Variants in LRRC66 observed in about 807,000 individuals in gnomAD.
LRRC66 encodes leucine-rich repeat-containing protein 66.
Under a neutral mutation model 24.6 loss-of-function variants are expected in LRRC66, and 29 were observed. The ratio of observed to expected loss-of-function variants is 1.18; its 90% confidence interval spans 0.88 to 1.61. The LOEUF (loss-of-function observed/expected upper bound fraction) is 1.61. Among genes scored for constraint, LRRC66 ranks in the 40% most tolerant of loss-of-function variants. The pLI, the probability that LRRC66 is intolerant of heterozygous loss-of-function variation, is 0.00. For missense variants in LRRC66, 1,124 were observed against 1,058.0 expected, an observed-to-expected ratio of 1.06 and a Z score of -0.87; for synonymous variants, 411 against 397.6, an observed-to-expected ratio of 1.03 and a Z score of -0.40.
intron 3 of LRRC66, among the ~76,000 whole-genome samples, chr4:51,999,278 T>C (rs1736395917): frequency 6.6e-6 from 1 of 152,212 alleles, no homozygotes; most frequent in Non-Finnish European, 1.5e-5. Context: ...TAGACACCCG[T>C]GAAAAATCAG....
rs372996077 is a variant in LRRC66 at position 52,016,420 on chromosome 4, G to C, written c.496+698C>G. Among the ~76,000 whole-genome samples, 6 of 152,244 alleles carry C rather than the reference G, an allele frequency of 3.9e-5. No homozygotes were observed. In the South Asian group the frequency reaches 1.2e-3, roughly 32 times the overall value. On this transcript the variant is annotated intron_variant, in intron 2 of 4. Coordinates refer to ENST00000682860, the MANE Select transcript of LRRC66 (RefSeq NM_001024611.3). ...ACAAGGAAAGGAAATTAATTGTCTA[G>C]CACTCTGGAATATAAAAAGGGCAAA...
intron 2 of LRRC66, among the ~76,000 whole-genome samples, chr4:52,012,615 T>A (rs1425263768): frequency 6.6e-6 from 1 of 152,000 alleles, no homozygotes; most frequent in Non-Finnish European, 1.5e-5. Flanking sequence ...GTCAAATGAG[T>A]GAAAAGAGGC....
intron 1 of LRRC66, chr4:52,018,358 A>G: frequency 1.0e-6 from 1 of 984,808 alleles, no homozygotes; most frequent in Admixed American, 6.1e-5. Context: ...ACAATGGCTG[A>G]ATGTATCACA....
intron 3 of LRRC66, among the ~76,000 whole-genome samples, chr4:52,002,673 G>A (rs1489214317): frequency 1.3e-5 from 2 of 152,268 alleles, no homozygotes; most frequent in African/African-American, 2.4e-5. Flanking sequence ...AGAACTGCAT[G>A]TGGCACACAT....
intron 3 of LRRC66, among the ~76,000 whole-genome samples, chr4:52,001,433 C>T (rs751073641): frequency 6.6e-5 from 10 of 152,092 alleles, no homozygotes; most frequent in Non-Finnish European, 1.5e-4. Context: ...AGACAGGGGT[C>T]AGGTCCTTGC....
chr4:52,008,037 T>C (rs559595149), intron 2 of LRRC66, among the ~76,000 whole-genome samples: 7 of 152,272 alleles, frequency 4.6e-5, no homozygotes, highest in Middle Eastern at 3.4e-3. Context: ...GGAGTTCTAC[T>C]AGCCTCAGGT....
chr4:52,009,721 T>TC (rs1736656513), intron 2 of LRRC66, among the ~76,000 whole-genome samples: 1 of 152,102 alleles, frequency 6.6e-6, no homozygotes, highest in Admixed American at 6.5e-5. Context: ...ATGAAAAAAC[T>TC]CCTGTTCAGA....
At position 52,017,042 on chromosome 4, in the gene LRRC66, CA is replaced by C. The variant is rs560389394; in HGVS notation, c.496+75del. On this transcript the variant is annotated intron_variant, in intron 2 of 4. Transcript: ENST00000682860. ...TTCAGCTGTCCCTTGAACCTGAAAA[CA>C]AATGTGGAATTCTTATGAACATGAA... is the stretch of plus-strand genomic sequence containing the variant. 81 of 1,479,126 alleles carry C rather than the reference CA, an allele frequency of 5.5e-5. No homozygotes were observed. The South Asian group carries it at 1.1e-3, about 19-fold the overall frequency. The allele number at this position is 1,479,126 out of a possible 1,614,324, so 91.6% of individuals were successfully genotyped here.
chr4:52,008,164 C>A, intron 2 of LRRC66, among the ~76,000 whole-genome samples: 1 of 152,058 alleles, frequency 6.6e-6, no homozygotes, highest in African/African-American at 2.4e-5. Context: ...GATGGCTTCC[C>A]AACTCTGGTC....
At chr4:52,003,829 ACTT>A (rs889097741) in intron 2 of LRRC66, among the ~76,000 whole-genome samples, 5 of 152,244 alleles carry the variant, frequency 3.3e-5, no homozygotes, top group Admixed American at 2.6e-4. Context: ...AGCATGTACT[ACTT>A]TCAAAATAAG....
At position 51,997,836 on chromosome 4, in the gene LRRC66, C is replaced by A. The variant is rs756671308; in HGVS notation, c.768G>T (p.Trp256Cys). ...AGACTGCCACACTATCATCACACTG[C>A]CAGTTATTATCAGCCAAGTCAACCA... Reference protein sequence around the residue: ...HLVVDLADNNWQCDDSVAVFQ... With the variant: ...HLVVDLADNNCQCDDSVAVFQ... Residue 256 changes from tryptophan (W) to cysteine (C), a missense_variant, in exon 4 of 5, where the codon TGG (tryptophan) becomes TGT (cysteine). Transcript: ENST00000682860. 4.3e-6 allele frequency: 7 copies of A among 1,614,028 alleles called. No individual in the cohort carries two copies. The South Asian group carries it at 7.7e-5, about 18-fold the overall frequency.
chr4:52,011,245 G>T (rs1736693297), intron 2 of LRRC66, among the ~76,000 whole-genome samples: 1 of 152,196 alleles, frequency 6.6e-6, no homozygotes, highest in African/African-American at 2.4e-5. Flanking sequence ...ATAGAGTCTA[G>T]AATGGTCCTG....
At chr4:52,006,429 T>C (rs1380226232) in intron 2 of LRRC66, among the ~76,000 whole-genome samples, 2 of 151,910 alleles carry the variant, frequency 1.3e-5, no homozygotes, top group African/African-American at 4.8e-5. Context: ...GAAATCATCA[T>C]TCTCAGTAAA....
Position 51,994,268 on chromosome 4 carries a change from A to G in LRRC66, c.*111T>C. ...TTTGCATCAGTGTCCACTTGGTTGG[A>G]ATTCATGTTGTCTCCTTCAGGATCT... On this transcript the variant is annotated 3_prime_UTR_variant, in exon 5 of 5. Transcript: ENST00000682860. 9.6e-7 allele frequency: 1 copy of G among 1,044,250 alleles called. No individual in the cohort carries two copies. Among genetic ancestry groups the G allele is most frequent in the Admixed American group, 2.8e-5 (1 of 35,378 alleles). 64.7% of individuals were successfully genotyped at this position (1,044,250 alleles called of 1,614,324 possible). A position where few individuals can be genotyped will look rare whatever the true frequency, so the allele number is the denominator to read the frequency against.
chr4:51,995,752 C>T lies in LRRC66; in HGVS notation c.1270G>A (p.Gly424Ser), dbSNP rs774218881. The T allele has an allele frequency of 1.9e-6, 3 of 1,614,060 alleles. No individual in the cohort carries two copies. In the South Asian group the frequency reaches 3.3e-5, roughly 18 times the overall value. ...PGLDNAYSNEGFYDDMEAAGH... is the reference protein window; with the variant it reads ...PGLDNAYSNESFYDDMEAAGH... ...GCAGCTTCCATGTCATCGTAGAAGCCCTCGTTTGAATACGCGTTGTCCAGG... is the reference window on the plus strand; with the variant it reads ...GCAGCTTCCATGTCATCGTAGAAGCTCTCGTTTGAATACGCGTTGTCCAGG... The change falls in exon 5 of 5, where the codon GGC (glycine) becomes AGC (serine). Residue 424 changes from glycine (G) to serine (S), a missense_variant. Physicochemically the swap from Gly to Ser is moderately conservative, Grantham distance 56 (BLOSUM62 0). Coordinates refer to ENST00000682860, the MANE Select transcript of LRRC66 (RefSeq NM_001024611.3).
At chr4:52,010,486 T>G (rs1736675241) in intron 2 of LRRC66, among the ~76,000 whole-genome samples, 1 of 152,136 alleles carries the variant, frequency 6.6e-6, no homozygotes, top group African/African-American at 2.4e-5. Context: ...CCCACACTCC[T>G]CCTCCTTCTA....
rs752775344 is a variant in LRRC66, at chr4:51,996,034, T to C, written c.988A>G (p.Thr330Ala). Residue 330 changes from threonine (T) to alanine (A), a missense_variant, in exon 5 of 5, where the codon ACG (threonine) becomes GCG (alanine). Physicochemically the swap from Thr to Ala is moderately conservative, Grantham distance 58 (BLOSUM62 0). Transcript: ENST00000682860. ...KAERPQGGRH[T>A]GISTLGKKAK... ...TTCTTCCCCAGAGTAGAAATGCCCG[T>C]GTGCCTTCCTCCCTGGGGCCTCTCT... 1 of 1,614,002 alleles carries C rather than the reference T, an allele frequency of 6.2e-7. No homozygotes were observed. Among genetic ancestry groups the C allele is most frequent in the South Asian group, 1.1e-5 (1 of 91,042 alleles).
chr4:52,006,666 C>T lies in LRRC66; in HGVS notation c.497-3274G>A, dbSNP rs1463806336. On this transcript the variant is annotated intron_variant, in intron 2 of 4. Coordinates refer to ENST00000682860, the MANE Select transcript of LRRC66 (RefSeq NM_001024611.3). Reference sequence around the variant, plus strand: ...TGTATACATATGTAACTAACCTGCACATTGTGCACATGTACCCTAAAACTT... The same window carrying T: ...TGTATACATATGTAACTAACCTGCATATTGTGCACATGTACCCTAAAACTT... Among the ~76,000 whole-genome samples the T allele has an allele frequency of 2.1e-5, 3 of 143,938 alleles. No individual in the cohort carries two copies. In the Admixed American group the frequency reaches 2.1e-4, roughly 10 times the overall value. The allele number at this position is 143,938 out of a possible 152,430, so 94.4% of individuals were successfully genotyped here.
Position 51,995,440 on chromosome 4 carries a change from T to C in LRRC66, c.1582A>G (p.Ile528Val), listed in dbSNP as rs1383281212. The C allele has an allele frequency of 2.5e-6, 4 of 1,614,020 alleles. No individual in the cohort carries two copies. Among genetic ancestry groups the C allele is most frequent in the Non-Finnish European group, 2.5e-6 (3 of 1,180,050 alleles). Residue 528 changes from isoleucine to valine, a missense_variant, in exon 5 of 5, where the codon ATC (isoleucine) becomes GTC (valine). Physicochemically the swap from Ile to Val is conservative, Grantham distance 29 (BLOSUM62 3). Transcript: ENST00000682860. The part of the protein sequence containing the change: ...RELMSAAQDH[I>V]HRNDILGEWT... ...TCTCCGAGAATATCATTCCTATGGA[T>C]GTGGTCCTGCGCTGCTGACATTAGT... is the stretch of plus-strand genomic sequence containing the variant.
Sources: gnomAD v4.1 joint callset for allele counts (sites outside exome capture counted in the v4.1 genomes callset) on GRCh38, gnomAD v4.1.1 for gene constraint, MANE v1.5 for transcripts, NCBI Gene and HGNC (gene_info 2026-07-23, HGNC 2026-07-21) for gene names.